Variants in PTPN21 observed in about 807,000 individuals in gnomAD.
PTPN21 encodes protein tyrosine phosphatase non-receptor type 21.
In PTPN21, 77 loss-of-function variants were observed where a neutral mutation model predicts 131.8. The observed-to-expected ratio is 0.58, with a 90% CI of 0.49 to 0.71. The LOEUF (loss-of-function observed/expected upper bound fraction) is 0.71, where lower values mean the gene tolerates loss of function less well. Among genes scored for constraint, PTPN21 ranks in the 30% least tolerant of loss-of-function variants. The pLI, the probability that PTPN21 is intolerant of heterozygous loss-of-function variation, is 0.00. For synonymous variants in PTPN21, 715 were observed against 621.3 expected (o/e 1.15, Z -2.24); for missense variants, 1,552 against 1,527.1 (o/e 1.02, Z -0.27).
chr14:88,505,196 T>A, intron 5 of PTPN21, 108 bp downstream of exon 5: 1 of 921,590 alleles, frequency 1.1e-6, no homozygotes. Flanking sequence ...TTTTTTATAA[T>A]CCTATTCCTG....
Position 88,504,473 on chromosome 14 carries a change from A to G in PTPN21, c.539T>C (p.Val180Ala), listed in dbSNP as rs1225968577. 1.2e-6 allele frequency: 2 copies of G among 1,612,862 alleles called. No homozygotes were observed. The highest frequency in any genetic ancestry group is 2.2e-5 in the East Asian group (1 of 44,820). Residue 180 changes from valine to alanine, a missense_variant, in exon 6 of 19, where the codon GTA becomes GCA. Transcript: ENST00000556564. The part of the protein sequence containing the change: ...FPVGWLQDEK[V>A]LEEATQKVAL... ...CACTTTTTGGGTTGCTTCTTCCAAT[A>G]CTTTTTCATCTTGTAACCATCCCTG...
intron 10 of PTPN21, chr14:88,493,265 T>A: frequency 3.1e-6 from 1 of 327,596 alleles, no homozygotes; most frequent in African/African-American, 2.2e-5. Flanking sequence ...ATAAAAGAGG[T>A]AGAAAAAACA....
chr14:88,475,161 A>C (rs897035242), intron 13 of PTPN21, among the ~76,000 whole-genome samples: 4 of 152,182 alleles, frequency 2.6e-5, no homozygotes, highest in African/African-American at 9.7e-5. Context: ...TATAATGAGT[A>C]GCCCCAACTG....
chr14:88,479,852 G>A lies in PTPN21; in HGVS notation c.1579C>T (p.Pro527Ser), dbSNP rs747991150. 3.8e-6 allele frequency: 6 copies of A among 1,564,136 alleles called. No individual in the cohort carries two copies. In the East Asian group the frequency reaches 1.1e-4, roughly 29 times the overall value. Reference sequence around the variant, plus strand: ...CCCACCACGGGCCGCCGCTCGGCAGGGTAGGGGTAGGGAGACGGGCTGTGG... The same window carrying A: ...CCCACCACGGGCCGCCGCTCGGCAGAGTAGGGGTAGGGAGACGGGCTGTGG... ...SFHSPSPYPY[P>S]AERRPVVGAV... is the part of the protein sequence containing the mutation. The change falls in exon 13 of 19, where the codon CCT (proline) becomes TCT (serine). Residue 527 changes from proline to serine, a missense_variant. Physicochemically the swap from Pro to Ser is moderately conservative, Grantham distance 74. This residue lies in a region of PTPN21 where 1,016 missense variants were observed against 883.5 expected (regional missense o/e 1.15). Transcript: ENST00000556564.
At chr14:88,477,342 C>T (rs2077560549) in intron 13 of PTPN21, among the ~76,000 whole-genome samples, 1 of 147,008 alleles carries the variant, frequency 6.8e-6, no homozygotes, top group East Asian at 2.0e-4. Flanking sequence ...CTGAGGCAGC[C>T]AGATCACAAG....
rs2077610567 is a variant in PTPN21 at position 88,479,645 on chromosome 14, T to C, written c.1786A>G (p.Thr596Ala). The C allele has an allele frequency of 1.3e-6, 2 of 1,549,982 alleles. No homozygotes were observed. The highest frequency in any genetic ancestry group is 1.9e-5 in the Admixed American group (1 of 53,524). ...TGCACCGAGTGGTGCACGCGCCGCG[T>C]GATGAGGTCGGGGTTGCTGCTGCTG... ...YISSSNPDLI[T>A]RRVHHSVQTF... Residue 596 changes from threonine to alanine, a missense_variant, in exon 13 of 19, where the codon ACG (threonine) becomes GCG (alanine). Thr to Ala is a moderately conservative substitution (Grantham distance 58, BLOSUM62 0). Coordinates refer to ENST00000556564, the MANE Select transcript of PTPN21 (RefSeq NM_007039.4).
At chr14:88,485,181 C>G (rs2077714930) in intron 11 of PTPN21, 21 bp from the exon 12 acceptor site, 1 of 1,510,210 alleles carries the variant, frequency 6.6e-7, no homozygotes, top group Non-Finnish European at 9.1e-7. Context: ...GAGAGTTTGA[C>G]ACAGGGTTGA....
intron 10 of PTPN21, among the ~76,000 whole-genome samples, chr14:88,494,324 A>C (rs2077870162): frequency 6.6e-6 from 1 of 152,166 alleles, no homozygotes; most frequent in Admixed American, 6.5e-5. Flanking sequence ...GATAAAAGAC[A>C]TAAGGTTGAA....
chr14:88,542,970 T>G (rs927330001), intron 2 of PTPN21, among the ~76,000 whole-genome samples: 14 of 152,240 alleles, frequency 9.2e-5, no homozygotes. Flanking sequence ...AAAAAGTTTC[T>G]GGGTACTAGA....
Position 88,466,943 on chromosome 14 carries a change from AATTT to A in PTPN21, c.*1190_*1193del. On this transcript the variant is annotated 3_prime_UTR_variant, in exon 19 of 19. Transcript: ENST00000556564. ...TTCTTTTAATGATACTATAATGCTG[AATTT>A]ATTTATGAAAAAGAAACAATACAGG... 1 of 152,206 alleles carries A rather than the reference AATTT, an allele frequency of 6.6e-6. No individual in the cohort carries two copies. 9.4% of individuals were successfully genotyped at this position (152,206 alleles called of 1,614,324 possible).
intron 12 of PTPN21, among the ~76,000 whole-genome samples, chr14:88,481,622 G>A (rs1182683337): frequency 1.3e-5 from 2 of 152,206 alleles, no homozygotes; most frequent in African/African-American, 4.8e-5. Flanking sequence ...ATAATTCAAG[G>A]AAGGGAGAAG....
chr14:88,482,558 A>G (rs1443611399), intron 12 of PTPN21, among the ~76,000 whole-genome samples: 2 of 152,054 alleles, frequency 1.3e-5, no homozygotes, highest in African/African-American at 4.8e-5. Flanking sequence ...GGTGGCAGTG[A>G]GCTAAAATCA....
Position 88,504,455 on chromosome 14 carries a change from T to C in PTPN21, c.557A>G (p.Gln186Arg), listed in dbSNP as rs753955310. The C allele has an allele frequency of 6.2e-7, 1 of 1,613,008 alleles. No homozygotes were observed. Among genetic ancestry groups the C allele is most frequent in the South Asian group, 1.1e-5 (1 of 91,054 alleles). ...QDEKVLEEAT[Q>R]KVALLHQKYR... ...TTTCTGATGTAGTAAGGCCACTTTT[T>C]GGGTTGCTTCTTCCAATACTTTTTC... The change falls in exon 6 of 19, where the codon CAA becomes CGA. Residue 186 changes from glutamine to arginine, a missense_variant. This residue lies in a region of PTPN21 where 206 missense variants were observed against 221.6 expected (regional missense o/e 0.93). Transcript: ENST00000556564.
intron 11 of PTPN21, among the ~76,000 whole-genome samples, 200 bp downstream of exon 11, chr14:88,485,582 A>G (rs2077719666): frequency 6.6e-6 from 1 of 152,034 alleles, no homozygotes; most frequent in Non-Finnish European, 1.5e-5. Context: ...GTCAGACCTA[A>G]TATTCAAATA....
At chr14:88,504,332 A>G in intron 6 of PTPN21, 93 bp downstream of exon 6, 1 of 1,064,772 alleles carries the variant, frequency 9.4e-7, no homozygotes, top group Non-Finnish European at 1.4e-6. Flanking sequence ...GCAAATAAAT[A>G]TTAATCATGT....
At chr14:88,482,411 G>C (rs976097177) in intron 12 of PTPN21, among the ~76,000 whole-genome samples, 2 of 152,086 alleles carry the variant, frequency 1.3e-5, no homozygotes, top group African/African-American at 4.8e-5. Flanking sequence ...GATCACCCAA[G>C]GTCGGGAGTT....
intron 2 of PTPN21, among the ~76,000 whole-genome samples, chr14:88,522,169 G>A (rs1175310121): frequency 6.6e-6 from 1 of 151,916 alleles, no homozygotes; most frequent in African/African-American, 2.4e-5. Flanking sequence ...GATTGTGCCT[G>A]TAATCCCAGC....
intron 13 of PTPN21, among the ~76,000 whole-genome samples, chr14:88,478,051 C>CT (rs1798170106): frequency 6.6e-6 from 1 of 152,080 alleles, no homozygotes; most frequent in South Asian, 2.1e-4. Context: ...GTCATGTGAC[C>CT]TTGGAAAAGT....
intron 2 of PTPN21, among the ~76,000 whole-genome samples, chr14:88,520,928 C>G (rs2078380174): frequency 6.6e-6 from 1 of 152,150 alleles, no homozygotes; most frequent in Non-Finnish European, 1.5e-5. Context: ...ACTGCAACTT[C>G]AAACTCCCAG....
Sources: allele counts gnomAD v4.1 joint callset (sites outside exome capture counted in the v4.1 genomes callset), GRCh38; gene constraint gnomAD v4.1.1; regional missense constraint gnomAD v4.1.1; transcripts MANE v1.5; gene names NCBI Gene and HGNC (gene_info 2026-07-23, HGNC 2026-07-21).